The following CFAP54 variants were observed in gnomAD, a reference collection of about 807,000 sequenced individuals.
The protein encoded by CFAP54 is cilia- and flagella-associated protein 54.
A neutral mutation model predicts 370.4 loss-of-function variants in CFAP54; 290 were observed. The ratio of observed to expected loss-of-function variants is 0.78; its 90% confidence interval spans 0.71 to 0.86. CFAP54 has a LOEUF of 0.86. Among genes scored for constraint, CFAP54 ranks in the 40% least tolerant of loss-of-function variants. The pLI, the probability that CFAP54 is intolerant of heterozygous loss-of-function variation, is 0.00. For synonymous variants in CFAP54, 1,206 were observed against 1,236.5 expected, an observed-to-expected ratio of 0.98 and a Z score of 0.52; for missense variants, 3,399 against 3,528.7, an observed-to-expected ratio of 0.96 and a Z score of 0.93.
intron 55 of CFAP54, among the ~76,000 whole-genome samples, chr12:96,746,406 A>G (rs1423290862): frequency 1.3e-5 from 2 of 152,076 alleles, no homozygotes; most frequent in African/African-American, 2.4e-5. Flanking sequence ...GATTTGGACC[A>G]GAGAAATCAC....
intron 66 of CFAP54, among the ~76,000 whole-genome samples, chr12:96,830,655 T>C (rs933995946): frequency 6.6e-6 from 1 of 152,066 alleles, no homozygotes; most frequent in African/African-American, 2.4e-5. Context: ...TACCCACATA[T>C]TCATCTCTCC....
intron 64 of CFAP54, among the ~76,000 whole-genome samples, chr12:96,816,055 G>A (rs1268302896): frequency 6.6e-6 from 1 of 151,998 alleles, no homozygotes; most frequent in Non-Finnish European, 1.5e-5. Flanking sequence ...CTTCTTTTTT[G>A]GTTCCATATG....
At chr12:96,824,556 G>T (rs1041876653) in intron 65 of CFAP54, among the ~76,000 whole-genome samples, 3 of 152,118 alleles carry the variant, frequency 2.0e-5, no homozygotes, top group African/African-American at 7.2e-5. Context: ...TAAATAAGGG[G>T]TATATAGGAG....
intron 20 of CFAP54, among the ~76,000 whole-genome samples, chr12:96,578,090 C>A (rs537586274): frequency 6.6e-6 from 1 of 152,140 alleles, no homozygotes; most frequent in South Asian, 2.1e-4. Flanking sequence ...AAATGATAGA[C>A]TGTGATTACA....
intron 26 of CFAP54, among the ~76,000 whole-genome samples, chr12:96,614,380 A>G (rs1592884241): frequency 6.6e-6 from 1 of 152,206 alleles, no homozygotes; most frequent in East Asian, 1.9e-4. Flanking sequence ...AATAAGAGCT[A>G]TTTATGACAA....
intron 58 of CFAP54, among the ~76,000 whole-genome samples, chr12:96,760,488 A>G (rs935982525): frequency 6.6e-6 from 1 of 152,132 alleles, no homozygotes; most frequent in Non-Finnish European, 1.5e-5. Context: ...TTCTGTCTCT[A>G]TAGATTTGCC....
chr12:96,790,446 A>G (rs1958678559), intron 62 of CFAP54, among the ~76,000 whole-genome samples: 1 of 152,204 alleles, frequency 6.6e-6, no homozygotes, highest in Non-Finnish European at 1.5e-5. Context: ...GTAATGGAAT[A>G]TTAAATACCT....
intron 66 of CFAP54, 27 bp from the exon 67 acceptor site, chr12:96,860,792 C>T: frequency 6.7e-7 from 1 of 1,498,376 alleles, no homozygotes; most frequent in Non-Finnish European, 8.8e-7. Flanking sequence ...CAATGCATTT[C>T]ATGAACACTT....
At chr12:96,664,771 C>CTATATCTATATCTATATCTA (rs1957054426) in intron 39 of CFAP54, among the ~76,000 whole-genome samples, 1 of 69,150 alleles carries the variant, frequency 1.4e-5, no homozygotes, top group Non-Finnish European at 2.8e-5. Context: ...ATATCTATAT[C>CTATATCTATATCTATATCTA]TATATCTATA....
At chr12:96,551,247 C>A (rs1159417349) in intron 15 of CFAP54, among the ~76,000 whole-genome samples, 1 of 151,938 alleles carries the variant, frequency 6.6e-6, no homozygotes, top group South Asian at 2.1e-4. Context: ...TGGAGTGAGA[C>A]CCTGTTGCAT....
intron 8 of CFAP54, among the ~76,000 whole-genome samples, chr12:96,524,307 A>C (rs1372684724): frequency 6.6e-6 from 1 of 152,184 alleles, no homozygotes; most frequent in African/African-American, 2.4e-5. Flanking sequence ...TTATATCATA[A>C]ATAAATAAAT....
chr12:96,532,020 C>A (rs1955445215), intron 9 of CFAP54, among the ~76,000 whole-genome samples: 2 of 152,238 alleles, frequency 1.3e-5, no homozygotes, highest in African/African-American at 4.8e-5. Flanking sequence ...GCCATCGCAC[C>A]CGGCCATCAA....
At chr12:96,826,336 T>G (rs11108710) in intron 65 of CFAP54, among the ~76,000 whole-genome samples, 83 of 65,596 alleles carry the variant, frequency 1.3e-3, no homozygotes, top group East Asian at 2.0e-3. Flanking sequence ...ATATATAGTC[T>G]ACAATATATA....
At chr12:96,748,485 C>T (rs1307086229) in intron 55 of CFAP54, among the ~76,000 whole-genome samples, 1 of 151,962 alleles carries the variant, frequency 6.6e-6, no homozygotes, top group East Asian at 1.9e-4. Context: ...CTCTGTTCTG[C>T]TTCATAGGTT....
At chr12:96,685,733 G>A (rs1957322702) in intron 42 of CFAP54, among the ~76,000 whole-genome samples, 1 of 152,086 alleles carries the variant, frequency 6.6e-6, no homozygotes, top group South Asian at 2.1e-4. Context: ...TGTATTTTTA[G>A]TAGAGACAGG....
chr12:96,826,362 A>G (rs1959102762), intron 65 of CFAP54, among the ~76,000 whole-genome samples: 1 of 138,506 alleles, frequency 7.2e-6, no homozygotes, highest in South Asian at 2.2e-4. Flanking sequence ...GAATATACAT[A>G]TAGTTATATA....
intron 26 of CFAP54, among the ~76,000 whole-genome samples, chr12:96,619,362 T>G (rs1389692743): frequency 2.6e-5 from 4 of 152,198 alleles, no homozygotes. Context: ...TGTTGGATTT[T>G]CTCTTAGGAC....
At chr12:96,764,481 G>A (rs1370023153) in intron 59 of CFAP54, among the ~76,000 whole-genome samples, 1 of 151,978 alleles carries the variant, frequency 6.6e-6, no homozygotes, top group African/African-American at 2.4e-5. Flanking sequence ...AAATTAGCTG[G>A]GCATGGTGGC....
intron 36 of CFAP54, among the ~76,000 whole-genome samples, chr12:96,652,786 T>TA (rs1386213330): frequency 6.6e-6 from 1 of 151,598 alleles, no homozygotes; most frequent in East Asian, 1.9e-4. Context: ...AGATTGAAAA[T>TA]AAAAATATGG....
Sources: allele counts gnomAD v4.1 joint callset (sites outside exome capture counted in the v4.1 genomes callset), GRCh38; gene constraint gnomAD v4.1.1; transcripts MANE v1.5; gene names NCBI Gene and HGNC (gene_info 2026-07-23, HGNC 2026-07-21).